The following CERT1 variants were observed in gnomAD, a reference collection of about 807,000 sequenced individuals.
The protein encoded by CERT1 is ceramide transporter 1, also known as ceramide transfer protein.
In CERT1, 31 loss-of-function variants were observed where a neutral mutation model predicts 87.9. The observed-to-expected ratio is 0.35, with a 90% CI of 0.27 to 0.48. The LOEUF (loss-of-function observed/expected upper bound fraction) is 0.48. Ranked by LOEUF, CERT1 falls within the 20% of genes least tolerant of loss-of-function variation. The pLI is 0.99. For missense variants in CERT1, 487 were observed against 758.0 expected (o/e 0.64, Z 4.20); for synonymous variants, 289 against 250.9 (o/e 1.15, Z -1.44).
At chr5:75,471,331 T>A (rs1765697893) in intron 2 of CERT1, among the ~76,000 whole-genome samples, 1 of 152,160 alleles carries the variant, frequency 6.6e-6, no homozygotes, top group South Asian at 2.1e-4. Flanking sequence ...AGACAATTAT[T>A]ATACAAGGGT....
intron 5 of CERT1, among the ~76,000 whole-genome samples, chr5:75,424,938 C>A (rs1342433153): frequency 1.3e-5 from 2 of 151,876 alleles, no homozygotes; most frequent in African/African-American, 2.4e-5. Context: ...CATAGTGAGA[C>A]CCCCGTCTCT....
chr5:75,377,089 T>C (rs936572867), downstream of CERT1: 6 of 152,224 alleles, frequency 3.9e-5, no homozygotes, highest in African/African-American at 1.4e-4. Flanking sequence ...TAAATGTTAT[T>C]ACAAAATAGA....
chr5:75,415,897 GT>G (rs1763115025), intron 7 of CERT1, among the ~76,000 whole-genome samples: 2 of 152,058 alleles, frequency 1.3e-5, no homozygotes, highest in Non-Finnish European at 2.9e-5. Context: ...TTAAAAGGAT[GT>G]TTTCATTACC....
chr5:75,452,591 T>C (rs1212933914), intron 3 of CERT1, among the ~76,000 whole-genome samples: 1 of 152,160 alleles, frequency 6.6e-6, no homozygotes, highest in Non-Finnish European at 1.5e-5. Context: ...AAAATAATCC[T>C]ATAATTTAAA....
chr5:75,421,828 C>T (rs10038723), intron 5 of CERT1, among the ~76,000 whole-genome samples: 35,437 of 152,044 alleles, frequency 0.23, 4,285 homozygotes, highest in South Asian at 0.43. Flanking sequence ...CACTCTTCAA[C>T]TCTACCTTCA....
chr5:75,437,959 T>C (rs1764165163), intron 3 of CERT1, among the ~76,000 whole-genome samples: 1 of 152,242 alleles, frequency 6.6e-6, no homozygotes, highest in South Asian at 2.1e-4. Context: ...TTAGTCATTC[T>C]GGTAATGTCT....
At chr5:75,438,656 T>C (rs999703635) in intron 3 of CERT1, among the ~76,000 whole-genome samples, 1 of 152,132 alleles carries the variant, frequency 6.6e-6, no homozygotes, top group Non-Finnish European at 1.5e-5. Context: ...ATTAATAATC[T>C]GGAATTCAAA....
chr5:75,498,534 T>C (rs1210024403), intron 2 of CERT1, among the ~76,000 whole-genome samples: 1 of 152,224 alleles, frequency 6.6e-6, no homozygotes, highest in Non-Finnish European at 1.5e-5. Flanking sequence ...AAGGCCACTC[T>C]GAGGACAGTT....
intron 12 of CERT1, among the ~76,000 whole-genome samples, chr5:75,387,248 C>T (rs976904747): frequency 6.6e-6 from 1 of 152,118 alleles, no homozygotes; most frequent in African/African-American, 2.4e-5. Flanking sequence ...ACTGGCAGTT[C>T]CTAGATGTGG....
intron 5 of CERT1, among the ~76,000 whole-genome samples, chr5:75,420,210 C>T (rs1763312276): frequency 6.6e-6 from 1 of 151,946 alleles, no homozygotes; most frequent in South Asian, 2.1e-4. Context: ...AAACTCCTGG[C>T]CTCATGATCC....
downstream of CERT1, chr5:75,376,127 G>A (rs529817774): frequency 2.0e-5 from 3 of 152,248 alleles, no homozygotes; most frequent in South Asian, 6.2e-4. Flanking sequence ...CACACAGAGA[G>A]TCAATGAAAC....
chr5:75,449,866 TC>T (rs759088114), intron 3 of CERT1, among the ~76,000 whole-genome samples: 3 of 152,188 alleles, frequency 2.0e-5, no homozygotes, highest in East Asian at 1.9e-4. Flanking sequence ...TTCTGGCTTT[TC>T]CCCCCTTAAA....
chr5:75,410,177 G>C (rs1232706166), intron 8 of CERT1, among the ~76,000 whole-genome samples: 1 of 152,052 alleles, frequency 6.6e-6, no homozygotes, highest in Non-Finnish European at 1.5e-5. Context: ...AAGCTTATAA[G>C]ATTTTAATGT....
intron 2 of CERT1, chr5:75,505,481 G>A (rs1406015347): frequency 6.6e-6 from 1 of 152,088 alleles, no homozygotes; most frequent in Non-Finnish European, 1.5e-5. Context: ...GTTATCTTCA[G>A]GCTTTTATTC....
chr5:75,472,452 C>T (rs1345711563), intron 2 of CERT1, among the ~76,000 whole-genome samples: 1 of 152,034 alleles, frequency 6.6e-6, no homozygotes, highest in Non-Finnish European at 1.5e-5. Context: ...AGCTTCTGCA[C>T]AGCAAAAGAA....
intron 2 of CERT1, among the ~76,000 whole-genome samples, chr5:75,484,630 CAAGA>C (rs1351254518): frequency 6.6e-6 from 1 of 151,690 alleles, no homozygotes; most frequent in East Asian, 1.9e-4. Context: ...ACAAAACCAA[CAAGA>C]AATAAGAAGG....
In CERT1 at chr5:75,487,302, C is replaced by T. The variant is rs571522929; in HGVS notation, c.231+18680G>A. On this transcript the variant is annotated intron_variant, in intron 2 of 16. Transcript: ENST00000643780. ...TAAGCAGAAGAATGAAACTAGACCC[C>T]TACCTCTTGCTATACATTAAAATCA... Among the ~76,000 whole-genome samples, 21 of 152,152 alleles carry T rather than the reference C, an allele frequency of 1.4e-4. No individual in the cohort carries two copies. The South Asian group carries it at 4.4e-3, about 32-fold the overall frequency.
chr5:75,387,468 G>C (rs1242434447), intron 12 of CERT1, among the ~76,000 whole-genome samples: 2 of 151,884 alleles, frequency 1.3e-5, no homozygotes, highest in African/African-American at 4.8e-5. Flanking sequence ...CAGGCCAGGC[G>C]CAGTGGCTCA....
At chr5:75,448,834 T>C (rs1372385946) in intron 3 of CERT1, among the ~76,000 whole-genome samples, 1 of 152,196 alleles carries the variant, frequency 6.6e-6, no homozygotes, top group Non-Finnish European at 1.5e-5. Context: ...CTGTAAGAAT[T>C]ATATGGAACA....
Sources: gnomAD v4.1 joint callset for allele counts (sites outside exome capture counted in the v4.1 genomes callset) on GRCh38, gnomAD v4.1.1 for gene constraint, MANE v1.5 for transcripts, NCBI Gene and HGNC (gene_info 2026-07-23, HGNC 2026-07-21) for gene names.